Variants in ABLIM3 observed in about 807,000 individuals in gnomAD.
The protein encoded by ABLIM3 is actin-binding LIM protein 3.
In ABLIM3, 61 loss-of-function variants were observed where a neutral mutation model predicts 109.5. That is an observed-to-expected ratio of 0.56 (90% CI 0.45 to 0.69). ABLIM3 has a LOEUF of 0.69. Among genes scored for constraint, ABLIM3 ranks in the 30% least tolerant of loss-of-function variants. ABLIM3 has a pLI of 0.00. For synonymous variants in ABLIM3, 300 were observed against 324.8 expected (o/e 0.92, Z 0.82); for missense variants, 796 against 889.5 (o/e 0.89, Z 1.34).
intron 3 of ABLIM3, among the ~76,000 whole-genome samples, chr5:149,197,864 C>A (rs1178965374): frequency 6.6e-6 from 1 of 152,192 alleles, no homozygotes; most frequent in African/African-American, 2.4e-5. Flanking sequence ...ATCAGCCTAT[C>A]CGGGTGAGGG....
chr5:149,237,975 A>G (rs1752393920), intron 11 of ABLIM3, among the ~76,000 whole-genome samples: 2 of 151,946 alleles, frequency 1.3e-5, no homozygotes, highest in African/African-American at 4.8e-5. Flanking sequence ...TACTGTAGGA[A>G]TTTTTCATGT....
intron 14 of ABLIM3, among the ~76,000 whole-genome samples, chr5:149,241,023 G>A (rs140067834): frequency 1.6e-4 from 25 of 152,370 alleles, no homozygotes; most frequent in African/African-American, 5.8e-4. Context: ...GAGGCAGGGA[G>A]CTCGAGTGAG....
chr5:149,143,083 G>A (rs1412893386), intron 2 of ABLIM3, among the ~76,000 whole-genome samples: 3 of 151,908 alleles, frequency 2.0e-5, no homozygotes, highest in African/African-American at 7.3e-5. Context: ...CCTTCTAATC[G>A]GCCAGGCACC....
chr5:149,154,720 C>T (rs1489593855), intron 2 of ABLIM3, among the ~76,000 whole-genome samples: 1 of 152,176 alleles, frequency 6.6e-6, no homozygotes. Flanking sequence ...TTCTTTGTTT[C>T]TTTCTCTCAT....
Position 149,198,951 on chromosome 5 carries a change from T to G in ABLIM3, c.335+549T>G. On this transcript the variant is annotated intron_variant, in intron 4 of 23. Transcript: ENST00000309868. This position sits in a 1 kb window ranked among gnomAD's most constrained non-coding sequence, Gnocchi z 4.2. ...TTCTCGAAGATCAATGAGATGATGA[T>G]GCAAAGGCATTAGCTCAGTGATCAG... 1 of 411,256 alleles carries G rather than the reference T, an allele frequency of 2.4e-6. No individual in the cohort carries two copies. The highest frequency in any genetic ancestry group is 4.9e-6 in the Non-Finnish European group (1 of 203,116). 25.5% of individuals were successfully genotyped at this position (411,256 alleles called of 1,614,324 possible). A position where few individuals can be genotyped will look rare whatever the true frequency, so the allele number is the denominator to read the frequency against.
intron 7 of ABLIM3, chr5:149,216,541 G>A: frequency 6.3e-6 from 1 of 159,370 alleles, no homozygotes; most frequent in Non-Finnish European, 1.4e-5. Context: ...TTTTCCATTG[G>A]TCCAATGTTA....
In ABLIM3 at chr5:149,259,738, C is replaced by T; in HGVS notation, c.*1334C>T. 1 of 779,344 alleles carries T rather than the reference C, an allele frequency of 1.3e-6. No individual in the cohort carries two copies. The highest frequency in any genetic ancestry group is 2.0e-6 in the Non-Finnish European group (1 of 489,594). 48.3% of individuals were successfully genotyped at this position (779,344 alleles called of 1,614,324 possible). A position where few individuals can be genotyped will look rare whatever the true frequency, so the allele number is the denominator to read the frequency against. On this transcript the variant is annotated 3_prime_UTR_variant, in exon 24 of 24. Coordinates refer to ENST00000309868, the MANE Select transcript of ABLIM3 (RefSeq NM_014945.5). ...GGGTAATGTTTGGTGGGGGCTGTTC[C>T]TTCTTGGAGAAGCCTTGAGTCGGAC...
intron 10 of ABLIM3, among the ~76,000 whole-genome samples, chr5:149,234,257 G>A (rs147353064): frequency 6.6e-6 from 1 of 152,168 alleles, no homozygotes; most frequent in South Asian, 2.1e-4. Flanking sequence ...GCTAAAGGAG[G>A]TGGGAAACGC....
intron 16 of ABLIM3, 33 bp downstream of exon 16, chr5:149,245,048 C>T (rs1033737002): frequency 6.8e-6 from 11 of 1,613,646 alleles, no homozygotes; most frequent in East Asian, 2.2e-5. Context: ...GGTCCAGGGC[C>T]CTAACACCTG....
rs916843826 is a variant in ABLIM3 at position 149,169,481 on chromosome 5, G to A, written c.14-13971G>A. On this transcript the variant is annotated intron_variant, in intron 2 of 23. Coordinates refer to ENST00000309868, the MANE Select transcript of ABLIM3 (RefSeq NM_014945.5). ...CTCCCTGGTGTCTCATTAGTCAGGA[G>A]TATTTCACATGTCTTTGCTTAAATT... is the stretch of plus-strand genomic sequence containing the variant. Among the ~76,000 whole-genome samples the A allele has an allele frequency of 3.3e-5, 5 of 152,224 alleles. No homozygotes were observed. The East Asian group carries it at 7.8e-4, about 24-fold the overall frequency.
rs1753814095 is a variant in ABLIM3, at chr5:149,250,462, A to C, written c.1745A>C (p.Lys582Thr). ...YLADSDPLISKSASLPAYRRN... is the reference protein window; with the variant it reads ...YLADSDPLISTSASLPAYRRN... ...TTCTTTTCAGATCCTCTCATCTCCA[A>C]ATCTGCCTCCCTGCCTGCCTACCGA... is the stretch of plus-strand genomic sequence containing the variant. The change falls in exon 20 of 24, where the codon AAA (lysine) becomes ACA (threonine). Residue 582 changes from lysine (K) to threonine (T), a missense_variant. Lys to Thr is a moderately conservative substitution (Grantham distance 78, BLOSUM62 -1). Coordinates refer to ENST00000309868, the MANE Select transcript of ABLIM3 (RefSeq NM_014945.5). The C allele has an allele frequency of 6.2e-7, 1 of 1,614,024 alleles. No individual in the cohort carries two copies. Among genetic ancestry groups the C allele is most frequent in the East Asian group, 2.2e-5 (1 of 44,872 alleles).
chr5:149,198,760 C>A lies in ABLIM3; in HGVS notation c.335+358C>A, dbSNP rs889857527. Among the ~76,000 whole-genome samples the A allele has an allele frequency of 6.6e-6, 1 of 152,134 alleles. No individual in the cohort carries two copies. Among genetic ancestry groups the A allele is most frequent in the African/African-American group, 2.4e-5 (1 of 41,434 alleles). On this transcript the variant is annotated intron_variant, in intron 4 of 23. Transcript: ENST00000309868. The surrounding 1 kb of genome is among the most constrained non-coding windows in gnomAD (Gnocchi z 4.2). ...TGTGGATCTGGCCCATCCTCCCACA[C>A]CCTCATCCACAGGTGGGACAGGGAT...
intron 2 of ABLIM3, among the ~76,000 whole-genome samples, chr5:149,183,198 T>C (rs1756613509): frequency 6.6e-6 from 1 of 152,230 alleles, no homozygotes; most frequent in Non-Finnish European, 1.5e-5. Context: ...TTCAGGGATT[T>C]GGCTTGTGTT....
Position 149,181,717 on chromosome 5 carries a change from T to C in ABLIM3, c.14-1735T>C, listed in dbSNP as rs150557547. ...CAGATGAGATCAGTTTTGGAGATCA[T>C]AGATCTCTTTGAGAATATGAACAAA... On this transcript the variant is annotated intron_variant, in intron 2 of 23. Transcript: ENST00000309868. Among the ~76,000 whole-genome samples the C allele has an allele frequency of 5.1e-3, 776 of 152,330 alleles. 14 individuals carry two copies. The highest frequency in any genetic ancestry group is 0.018 in the African/African-American group (742 of 41,570).
chr5:149,148,831 T>C (rs1753166656), intron 2 of ABLIM3, among the ~76,000 whole-genome samples: 1 of 152,152 alleles, frequency 6.6e-6, no homozygotes, highest in Admixed American at 6.5e-5. Flanking sequence ...GCATGGTTCC[T>C]TCTGCCGAGA....
chr5:149,198,386 G>T lies in ABLIM3; in HGVS notation c.319G>T (p.Val107Leu). Residue 107 changes from valine to leucine, a missense_variant, in exon 4 of 24, where the codon GTG (valine) becomes TTG (leucine). Coordinates refer to ENST00000309868, the MANE Select transcript of ABLIM3 (RefSeq NM_014945.5). The surrounding 1 kb of genome is among the most constrained non-coding windows in gnomAD (Gnocchi z 4.2). The stretch of plus-strand genomic sequence containing the variant: ...CCGCACTTACCACCCCAAGTGCTTC[G>T]TGTGCAGCTTGTGCAGGTGAGTGGG... ...LGRTYHPKCF[V>L]CSLCRKPFPI... 1 of 1,611,508 alleles carries T rather than the reference G, an allele frequency of 6.2e-7. No individual in the cohort carries two copies. The highest frequency in any genetic ancestry group is 8.5e-7 in the Non-Finnish European group (1 of 1,178,672).
intron 2 of ABLIM3, among the ~76,000 whole-genome samples, chr5:149,153,255 A>G (rs1019171644): frequency 1.3e-5 from 2 of 152,208 alleles, no homozygotes; most frequent in Non-Finnish European, 2.9e-5. Context: ...TAGAACCTCT[A>G]TCTACCCAGT....
At chr5:149,216,646 C>T in intron 7 of ABLIM3, 1 of 324,610 alleles carries the variant, frequency 3.1e-6, no homozygotes, top group East Asian at 5.4e-5. Flanking sequence ...GTCCTCAAAG[C>T]AAGCCTGTTT....
rs1295793350 is a variant in ABLIM3 at position 149,198,599 on chromosome 5, A to G, written c.335+197A>G. 6.6e-6 allele frequency among the ~76,000 whole-genome samples: 1 copy of G among 152,264 alleles called. No individual in the cohort carries two copies. Among genetic ancestry groups the G allele is most frequent in the Non-Finnish European group, 1.5e-5 (1 of 68,046 alleles). On this transcript the variant is annotated intron_variant, in intron 4 of 23. Transcript: ENST00000309868. The surrounding 1 kb of genome is among the most constrained non-coding windows in gnomAD (Gnocchi z 4.2). ...AGCATCTGAATCTTTCTTATAAAAT[A>G]CAATCTGATCTAAAACACTGGTTTG...
Sources: allele counts gnomAD v4.1 joint callset (sites outside exome capture counted in the v4.1 genomes callset), GRCh38; gene constraint gnomAD v4.1.1; non-coding constraint Gnocchi (gnomAD v3.1); transcripts MANE v1.5; gene names NCBI Gene and HGNC (gene_info 2026-07-23, HGNC 2026-07-21).